LAP3: variants seen among roughly 807,000 people sequenced by gnomAD.
The protein encoded by LAP3 is leucine aminopeptidase 3, also known as cytosol aminopeptidase.
Under a neutral mutation model 58.8 loss-of-function variants are expected in LAP3, and 46 were observed. The ratio of observed to expected loss-of-function variants is 0.78; its 90% CI spans 0.62 to 1.00. LAP3 has a LOEUF of 1.00. Among genes scored for constraint, LAP3 ranks in the 50% least tolerant of loss-of-function variants. The pLI is 0.00. For synonymous variants in LAP3, 257 were observed against 237.7 expected, an observed-to-expected ratio of 1.08 and a Z score of -0.75; for missense variants, 615 against 659.1, an observed-to-expected ratio of 0.93 and a Z score of 0.73.
At chr4:17,606,971 A>G (rs1417218664) in intron 12 of LAP3, 33 bp downstream of exon 12, 2 of 1,392,024 alleles carry the variant, frequency 1.4e-6, no homozygotes, top group East Asian at 2.3e-5. Flanking sequence ...ACATTTATAC[A>G]ATCATCCTTG....
At chr4:17,583,123 T>G (rs1260723573) in intron 4 of LAP3, among the ~76,000 whole-genome samples, 1 of 152,216 alleles carries the variant, frequency 6.6e-6, no homozygotes, top group African/African-American at 2.4e-5. Context: ...ATCATTTCCC[T>G]GTCATTTTTA....
intron 7 of LAP3, among the ~76,000 whole-genome samples, chr4:17,593,129 A>C (rs1056994171): frequency 5.9e-5 from 9 of 152,178 alleles, no homozygotes; most frequent in Non-Finnish European, 1.3e-4. Context: ...TGCTTATTGG[A>C]CATTGGTATA....
chr4:17,596,078 C>A (rs1324905218), intron 8 of LAP3, among the ~76,000 whole-genome samples: 4 of 152,096 alleles, frequency 2.6e-5, no homozygotes, highest in Non-Finnish European at 5.9e-5. Flanking sequence ...TAATAATGCC[C>A]TGACTCTTGT....
intron 6 of LAP3, among the ~76,000 whole-genome samples, chr4:17,587,857 G>GAATTCAAC (rs534365824): frequency 4.3e-4 from 65 of 152,120 alleles, no homozygotes; most frequent in African/African-American, 1.5e-3. Flanking sequence ...TAAAAAGATA[G>GAATTCAAC]AATTCAACAG....
chr4:17,606,889 C>A lies in LAP3; in HGVS notation c.1321C>A (p.Gln441Lys), dbSNP rs376595134. ...GCCTCTCTTCGAACATTATACAAGA[C>A]AGGTTGTAGATTGCCAGCTTGCTGA... ...RMPLFEHYTR[Q>K]VVDCQLADVN... Residue 441 changes from glutamine to lysine, a missense_variant, in exon 12 of 13, where the codon CAG becomes AAG. Gln to Lys is a moderately conservative substitution (Grantham distance 53). Coordinates refer to ENST00000226299, the MANE Select transcript of LAP3 (RefSeq NM_015907.3). 9 of 1,613,608 alleles carry A rather than the reference C, an allele frequency of 5.6e-6. No individual in the cohort carries two copies. The highest frequency in any genetic ancestry group is 7.6e-6 in the Non-Finnish European group (9 of 1,179,918).
At chr4:17,605,374 C>G (rs996088271) in intron 11 of LAP3, among the ~76,000 whole-genome samples, 2 of 152,122 alleles carry the variant, frequency 1.3e-5, no homozygotes, top group African/African-American at 4.8e-5. Context: ...TAGGCTCTTC[C>G]TACTCTACAC....
chr4:17,594,588 C>T (rs1171564609), intron 7 of LAP3, among the ~76,000 whole-genome samples: 1 of 152,202 alleles, frequency 6.6e-6, no homozygotes, highest in Non-Finnish European at 1.5e-5. Context: ...AGAAAAACCA[C>T]TAGCTAGTTA....
At chr4:17,593,664 T>G (rs571914321) in intron 7 of LAP3, among the ~76,000 whole-genome samples, 5 of 129,846 alleles carry the variant, frequency 3.9e-5, no homozygotes, top group Non-Finnish European at 7.8e-5. Flanking sequence ...CAGGCTGGAG[T>G]GCAGTGGTGC....
chr4:17,605,048 A>G (rs2109024794), intron 11 of LAP3, among the ~76,000 whole-genome samples: 1 of 152,178 alleles, frequency 6.6e-6, no homozygotes, highest in Middle Eastern at 3.4e-3. Context: ...GGATGTCTTC[A>G]GACCGCTGTG....
In LAP3 at chr4:17,577,459, C is replaced by G. The variant is rs760464549; in HGVS notation, c.-7C>G. The G allele has an allele frequency of 2.9e-5, 46 of 1,559,938 alleles. No homozygotes were observed. The highest frequency in any genetic ancestry group is 4.6e-4 in the Middle Eastern group (2 of 4,382). Reference sequence around the variant, plus strand: ...TGGAGGGCGGTGCGAGGGGCCGAGCCGACAAGATGTTCTTGCTGCCTCTTC... The same window carrying G: ...TGGAGGGCGGTGCGAGGGGCCGAGCGGACAAGATGTTCTTGCTGCCTCTTC... On this transcript the variant is annotated 5_prime_UTR_variant, in exon 1 of 13. Coordinates refer to ENST00000226299, the MANE Select transcript of LAP3 (RefSeq NM_015907.3).
chr4:17,590,805 C>T (rs1713666420), intron 7 of LAP3, among the ~76,000 whole-genome samples: 1 of 151,962 alleles, frequency 6.6e-6, no homozygotes, highest in African/African-American at 2.4e-5. Context: ...CTCCTGACCT[C>T]GTCATCTGCC....
At chr4:17,602,365 G>A (rs969333741) in intron 10 of LAP3, among the ~76,000 whole-genome samples, 2 of 152,182 alleles carry the variant, frequency 1.3e-5, no homozygotes, top group Non-Finnish European at 2.9e-5. Flanking sequence ...CACAACTAAA[G>A]GAGGCAGCAC....
At position 17,604,665 on chromosome 4, in the gene LAP3, G is replaced by A. The variant is rs375379793; in HGVS notation, c.1258G>A (p.Glu420Lys). 3.8e-5 allele frequency: 61 copies of A among 1,603,040 alleles called. 1 individual carries two copies. In the African/African-American group the frequency reaches 4.0e-4, roughly 11 times the overall value. The change falls in exon 11 of 13, where the codon GAG becomes AAG. Residue 420 changes from glutamate (E) to lysine (K), a missense_variant and splice_region_variant. Physicochemically the swap from Glu to Lys is moderately conservative, Grantham distance 56. Transcript: ENST00000226299. ...ATCCTGGCTCTGGAACAAACTCTTCGAGGTAGGAATAATATTTGTATATCT... is the reference window on the plus strand; with the variant it reads ...ATCCTGGCTCTGGAACAAACTCTTCAAGGTAGGAATAATATTTGTATATCT... Reference protein sequence around the residue: ...NSSWLWNKLFEASIETGDRVW... With the variant: ...NSSWLWNKLFKASIETGDRVW...
intron 10 of LAP3, among the ~76,000 whole-genome samples, chr4:17,602,408 AG>A (rs1714003561): frequency 6.6e-6 from 1 of 152,230 alleles, no homozygotes; most frequent in African/African-American, 2.4e-5. Context: ...TCTTCTCAAG[AG>A]GACCTGCAAA....
intron 10 of LAP3, among the ~76,000 whole-genome samples, chr4:17,603,768 C>G (rs1382847446): frequency 1.3e-5 from 2 of 151,894 alleles, no homozygotes; most frequent in Admixed American, 6.6e-5. Context: ...CCCGCCTCAG[C>G]CTCCCAAAGT....
In LAP3 at chr4:17,585,172, C is replaced by A. The variant is rs777988401; in HGVS notation, c.704+36C>A. 29 of 1,558,194 alleles carry A rather than the reference C, an allele frequency of 1.9e-5. No homozygotes were observed. In the Admixed American group the frequency reaches 4.9e-4, roughly 26 times the overall value. On this transcript the variant is annotated intron_variant, in intron 6 of 12. Transcript: ENST00000226299. ...ATTGTGTCACAGACTCGAGATGTTA[C>A]AGCCAGAAGGAGCCCTTGAGATCCT...
intron 6 of LAP3, among the ~76,000 whole-genome samples, chr4:17,587,055 G>C (rs1022768829): frequency 1.3e-5 from 2 of 152,234 alleles, no homozygotes; most frequent in African/African-American, 4.8e-5. Context: ...GCAGTGAGCT[G>C]AGATCGCACC....
At chr4:17,601,678 A>G (rs1713984160) in intron 10 of LAP3, among the ~76,000 whole-genome samples, 1 of 152,166 alleles carries the variant, frequency 6.6e-6, no homozygotes, top group Non-Finnish European at 1.5e-5. Flanking sequence ...TATATAACCT[A>G]TGTACATCCT....
chr4:17,598,294 C>A (rs979501585), intron 9 of LAP3, among the ~76,000 whole-genome samples, 162 bp from the exon 10 acceptor site: 1 of 152,142 alleles, frequency 6.6e-6, no homozygotes, highest in Non-Finnish European at 1.5e-5. Context: ...TATTTGCTCT[C>A]CAGATTAGAT....
Sources: allele counts gnomAD v4.1 joint callset (sites outside exome capture counted in the v4.1 genomes callset), GRCh38; gene constraint gnomAD v4.1.1; transcripts MANE v1.5; gene names NCBI Gene and HGNC (gene_info 2026-07-23, HGNC 2026-07-21).